CFAP299: variants seen among roughly 807,000 people sequenced by gnomAD.
CFAP299 encodes cilia- and flagella-associated protein 299.
Under a neutral mutation model 27.0 loss-of-function variants are expected in CFAP299, and 21 were observed. That is an observed-to-expected ratio of 0.78 (90% CI 0.55 to 1.12). The LOEUF (loss-of-function observed/expected upper bound fraction) is 1.12, where lower values mean the gene tolerates loss of function less well. CFAP299 is among the 50% of genes most tolerant of loss of function. The probability of loss-of-function intolerance (pLI) is 0.00; values close to 1 mark genes in which losing one functional copy is unlikely to be tolerated. For synonymous variants in CFAP299, 104 were observed against 98.1 expected (o/e 1.06, Z -0.36); for missense variants, 310 against 276.6 (o/e 1.12, Z -0.86).
intron 2 of CFAP299, among the ~76,000 whole-genome samples, chr4:80,399,660 T>C (rs904808513): frequency 5.0e-5 from 6 of 120,518 alleles, no homozygotes; most frequent in African/African-American, 1.9e-4. Flanking sequence ...TCGGACACAG[T>C]AAGGGGAACA....
intron 4 of CFAP299, among the ~76,000 whole-genome samples, chr4:80,898,520 G>A (rs1050559312): frequency 3.3e-5 from 5 of 151,996 alleles, no homozygotes; most frequent in Non-Finnish European, 7.4e-5. Flanking sequence ...CAACATTTAA[G>A]TAGGAAAACA....
intron 3 of CFAP299, among the ~76,000 whole-genome samples, chr4:80,725,122 T>C (rs1027489265): frequency 7.2e-6 from 1 of 138,318 alleles, no homozygotes; most frequent in Non-Finnish European, 1.6e-5. Flanking sequence ...TTTTTTTTTT[T>C]TTTTTTTTTT....
At chr4:80,948,701 A>T (rs1165270610) in intron 5 of CFAP299, among the ~76,000 whole-genome samples, 7 of 152,010 alleles carry the variant, frequency 4.6e-5, no homozygotes, top group Admixed American at 2.6e-4. Context: ...TATATTTCTT[A>T]GTTACACCAG....
intron 4 of CFAP299, among the ~76,000 whole-genome samples, chr4:80,909,275 A>G (rs573722146): frequency 6.6e-6 from 1 of 152,182 alleles, no homozygotes; most frequent in African/African-American, 2.4e-5. Flanking sequence ...TTATTGTAGT[A>G]AAAGGGAGTT....
At position 80,936,410 on chromosome 4, in the gene CFAP299, T is replaced by C. The variant is rs188187349; in HGVS notation, c.477-8400T>C. Among the ~76,000 whole-genome samples, 617 of 152,116 alleles carry C rather than the reference T, an allele frequency of 4.1e-3. 1 individual carries two copies. The highest frequency in any genetic ancestry group is 0.014 in the Middle Eastern group (4 of 294). On this transcript the variant is annotated intron_variant, in intron 4 of 5. Transcript: ENST00000358105. ...AAACGCCCATCAATAGTAAACAAGATAAAGAAAACGTAGTACATATACAAC... is the reference window on the plus strand; with the variant it reads ...AAACGCCCATCAATAGTAAACAAGACAAAGAAAACGTAGTACATATACAAC...
chr4:80,826,509 A>G (rs1386744062), intron 3 of CFAP299, among the ~76,000 whole-genome samples: 1 of 151,842 alleles, frequency 6.6e-6, no homozygotes, highest in Non-Finnish European at 1.5e-5. Context: ...TATAGCAAGA[A>G]TATATAATAG....
At chr4:80,715,839 A>C (rs572071361) in intron 3 of CFAP299, among the ~76,000 whole-genome samples, 1 of 152,152 alleles carries the variant, frequency 6.6e-6, no homozygotes, top group East Asian at 1.9e-4. Flanking sequence ...GTTTCAAATT[A>C]AGGGCTGTAA....
At chr4:80,818,400 C>T (rs1290307080) in intron 3 of CFAP299, among the ~76,000 whole-genome samples, 4 of 152,076 alleles carry the variant, frequency 2.6e-5, no homozygotes, top group African/African-American at 9.7e-5. Flanking sequence ...TCCTTTCGCC[C>T]TTTCTTTGAA....
intron 2 of CFAP299, among the ~76,000 whole-genome samples, chr4:80,518,511 A>G (rs890374323): frequency 3.9e-5 from 6 of 152,188 alleles, no homozygotes; most frequent in African/African-American, 1.4e-4. Context: ...AAGAAAATAT[A>G]CAGTAAAGGT....
intron 2 of CFAP299, among the ~76,000 whole-genome samples, chr4:80,498,880 G>A (rs1178934928): frequency 1.3e-5 from 2 of 152,104 alleles, no homozygotes; most frequent in Admixed American, 6.6e-5. Flanking sequence ...TAAGGCAAAT[G>A]TGGTACCTAT....
chr4:80,826,020 A>G (rs1729966667), intron 3 of CFAP299, among the ~76,000 whole-genome samples: 1 of 151,932 alleles, frequency 6.6e-6, no homozygotes, highest in South Asian at 2.1e-4. Context: ...TAAGCAAACA[A>G]TTATTAGTTT....
intron 3 of CFAP299, among the ~76,000 whole-genome samples, chr4:80,646,988 A>AGTGTGTGTGTGTGT (rs1187314742): frequency 3.2e-5 from 1 of 31,040 alleles, no homozygotes; most frequent in Non-Finnish European, 1.4e-4. Context: ...AGAGAGAGAG[A>AGTGTGTGTGTGTGT]GTGTGTGTGT....
chr4:80,800,746 AGTGTGTGTGT>A (rs57119258), intron 3 of CFAP299, among the ~76,000 whole-genome samples: 6 of 116,200 alleles, frequency 5.2e-5, no homozygotes, highest in African/African-American at 7.1e-5. Context: ...ATATATAATC[AGTGTGTGTGT>A]GTGTGTGTGT....
chr4:80,827,217 G>A (rs745472190), intron 3 of CFAP299, among the ~76,000 whole-genome samples: 5 of 151,584 alleles, frequency 3.3e-5, no homozygotes, highest in Admixed American at 1.3e-4. Flanking sequence ...CTCACTTTAG[G>A]AGTCTATTAT....
chr4:80,625,456 G>A (rs1349277602), intron 3 of CFAP299, among the ~76,000 whole-genome samples: 1 of 151,914 alleles, frequency 6.6e-6, no homozygotes, highest in Non-Finnish European at 1.5e-5. Context: ...GACAGAAAAA[G>A]AGAAAGAGAC....
intron 3 of CFAP299, among the ~76,000 whole-genome samples, chr4:80,768,952 G>C (rs371653408): frequency 6.6e-6 from 1 of 152,172 alleles, no homozygotes. Context: ...GACTGATGCT[G>C]TCTGAGATGA....
intron 3 of CFAP299, among the ~76,000 whole-genome samples, chr4:80,841,048 G>A: frequency 6.6e-6 from 1 of 152,068 alleles, no homozygotes; most frequent in East Asian, 1.9e-4. Context: ...AAAGAAAGAT[G>A]TATAATTACA....
chr4:80,547,262 T>A (rs1734280378), intron 2 of CFAP299, among the ~76,000 whole-genome samples: 1 of 151,952 alleles, frequency 6.6e-6, no homozygotes, highest in Admixed American at 6.6e-5. Flanking sequence ...GAGTCAACAA[T>A]AACAAACAAT....
At chr4:80,740,811 G>C (rs1401960490) in intron 3 of CFAP299, among the ~76,000 whole-genome samples, 6 of 152,090 alleles carry the variant, frequency 3.9e-5, no homozygotes, top group Non-Finnish European at 8.8e-5. Context: ...AGCCTCTCCT[G>C]GTGGTCATTA....
Sources: gnomAD v4.1 joint callset for allele counts (sites outside exome capture counted in the v4.1 genomes callset) on GRCh38, gnomAD v4.1.1 for gene constraint, MANE v1.5 for transcripts, NCBI Gene and HGNC (gene_info 2026-07-23, HGNC 2026-07-21) for gene names.